NFKBIZ: variants seen among roughly 807,000 people sequenced by gnomAD.
NFKBIZ encodes the protein NFKB inhibitor zeta.
NFKBIZ carries 19 observed loss-of-function variants against 76.8 expected under a neutral mutation model. The ratio of observed to expected loss-of-function variants is 0.25; its 90% CI spans 0.17 to 0.36. The LOEUF (loss-of-function observed/expected upper bound fraction) is 0.36. NFKBIZ is among the 10% of genes least tolerant of loss of function. The pLI is 1.00. For synonymous variants in NFKBIZ, 368 were observed against 354.8 expected, an observed-to-expected ratio of 1.04 and a Z score of -0.42; for missense variants, 829 against 910.9, an observed-to-expected ratio of 0.91 and a Z score of 1.16.
intron 2 of NFKBIZ, among the ~76,000 whole-genome samples, chr3:101,831,566 C>T (rs1942647393): frequency 6.6e-6 from 1 of 151,782 alleles, no homozygotes; most frequent in Non-Finnish European, 1.5e-5. Flanking sequence ...CTTTTCTTTT[C>T]TCTTTTCTCC....
rs1943032958 is a variant in NFKBIZ at position 101,855,341 on chromosome 3, T to C, written c.1591-54T>C. ...CTTATTCATTTCTTGGGGATTCTAA[T>C]AGGTATATGCGCAGCTTATGTAGCT... On this transcript the variant is annotated intron_variant, in intron 7 of 11. Transcript: ENST00000326172. The C allele has an allele frequency of 1.3e-5, 21 of 1,607,254 alleles. No individual in the cohort carries two copies. In the Admixed American group the frequency reaches 1.8e-4, roughly 14 times the overall value.
intron 2 of NFKBIZ, among the ~76,000 whole-genome samples, chr3:101,843,031 A>C (rs966598508): frequency 6.1e-5 from 9 of 147,744 alleles, no homozygotes; most frequent in Non-Finnish European, 1.0e-4. Context: ...AAAAAAAAAA[A>C]AAAAAAAAAA....
intron 2 of NFKBIZ, among the ~76,000 whole-genome samples, chr3:101,843,276 C>T (rs937433964): frequency 6.6e-6 from 1 of 151,556 alleles, no homozygotes; most frequent in African/African-American, 2.4e-5. Flanking sequence ...CTCTACAAAA[C>T]ATGAAAAATA....
Position 101,860,963 on chromosome 3 carries a change from A to G in NFKBIZ, c.*1592A>G, listed in dbSNP as rs1943126285. 6.6e-6 allele frequency: 1 copy of G among 152,202 alleles called. No homozygotes were observed. 9.4% of individuals were successfully genotyped at this position (152,202 alleles called of 1,614,324 possible). Reference sequence around the variant, plus strand: ...CTTGTATCTCTAAATATGGTGTGATATGAACCAGTCCATTCACATTGGAAA... The same window carrying G: ...CTTGTATCTCTAAATATGGTGTGATGTGAACCAGTCCATTCACATTGGAAA... On this transcript the variant is annotated 3_prime_UTR_variant, in exon 12 of 12. Transcript: ENST00000326172.
chr3:101,834,696 T>C (rs534027632), intron 2 of NFKBIZ, among the ~76,000 whole-genome samples: 3 of 152,334 alleles, frequency 2.0e-5, no homozygotes, highest in African/African-American at 7.2e-5. Context: ...CTCTTGCCTA[T>C]AGATTAAATG....
At chr3:101,846,386 T>A (rs2107407028), upstream of NFKBIZ, among the ~76,000 whole-genome samples, 1 of 152,352 alleles carries the variant, frequency 6.6e-6, no homozygotes, top group Middle Eastern at 3.4e-3. Context: ...ACATTTAAAT[T>A]TTTTTGTAGC....
rs1424195389 is a variant in NFKBIZ, at chr3:101,856,292, T to C, written c.1824+390T>C. Among the ~76,000 whole-genome samples, 4 of 152,330 alleles carry C rather than the reference T, an allele frequency of 2.6e-5. No homozygotes were observed. In the East Asian group the frequency reaches 5.8e-4, roughly 22 times the overall value. ...GTCTCGATCTCCTGACCTCGTGATC[T>C]GCCCGCCTCGGCCTCCCGAAGTGCT... is the stretch of plus-strand genomic sequence containing the variant. On this transcript the variant is annotated intron_variant, in intron 9 of 11. Coordinates refer to ENST00000326172, the MANE Select transcript of NFKBIZ (RefSeq NM_031419.4).
chr3:101,857,713 G>A, intron 11 of NFKBIZ: 1 of 985,404 alleles, frequency 1.0e-6, no homozygotes, highest in Non-Finnish European at 1.2e-6. Context: ...CACACTTAGG[G>A]TTAGAGTAAG....
intron 1 of NFKBIZ, 143 bp from the exon 2 acceptor site, chr3:101,851,942 T>C (rs188624512): frequency 1.1e-6 from 1 of 909,348 alleles, no homozygotes; most frequent in East Asian, 2.6e-5. Context: ...AGGCCATTGA[T>C]TGACCAGAGC....
rs868271343 is a variant in NFKBIZ, at chr3:101,849,684, C to A, written c.56C>A (p.Ala19Glu). Residue 19 changes from alanine to glutamate, a missense_variant, in exon 1 of 12, where the codon GCG becomes GAG. Ala to Glu is a moderately radical substitution (Grantham distance 107). Around this residue, in one of 4 missense-constraint regions of NFKBIZ, gnomAD observed 181 missense variants for 175.3 expected, o/e 1.03. Transcript: ENST00000326172. ...CGCGGCGGAGAGGGGCTGCGGGACG[C>A]GGCGGGCGGCTGCGGCCTCATGACC... ...DSRGGEGLRD[A>E]AGGCGLMTSP... 7.2e-7 allele frequency: 1 copy of A among 1,390,708 alleles called. No homozygotes were observed. Among genetic ancestry groups the A allele is most frequent in the East Asian group, 3.0e-5 (1 of 33,880 alleles). 86.1% of individuals were successfully genotyped at this position (1,390,708 alleles called of 1,614,324 possible).
At chr3:101,850,236 A>G (rs2107412400) in intron 1 of NFKBIZ, 1 of 293,474 alleles carries the variant, frequency 3.4e-6, no homozygotes, top group Non-Finnish European at 6.3e-6. Flanking sequence ...AGTCATAATT[A>G]ATAAACTATG....
upstream of NFKBIZ, among the ~76,000 whole-genome samples, chr3:101,846,002 A>T (rs1047819555): frequency 7.9e-5 from 12 of 152,220 alleles, no homozygotes; most frequent in Non-Finnish European, 1.6e-4. Context: ...GAGCAGTGTA[A>T]CTGGACAAAT....
At chr3:101,848,520 T>G (rs1226411613), upstream of NFKBIZ, among the ~76,000 whole-genome samples, 1 of 152,258 alleles carries the variant, frequency 6.6e-6, no homozygotes, top group Non-Finnish European at 1.5e-5. Context: ...ATCCCTCGTG[T>G]TATTTAATCA....
chr3:101,857,259 C>G (rs776452588), intron 10 of NFKBIZ, 33 bp from the exon 11 acceptor site: 1 of 1,613,282 alleles, frequency 6.2e-7, no homozygotes, highest in Non-Finnish European at 8.5e-7. Flanking sequence ...TTCCCCCTTC[C>G]TGATGTCTGA....
At chr3:101,853,066 C>T in intron 4 of NFKBIZ, 25 bp from the exon 5 acceptor site, 2 of 1,611,604 alleles carry the variant, frequency 1.2e-6, no homozygotes, top group South Asian at 2.2e-5. Context: ...AGTGAGTGTG[C>T]AAGTTGCATT....
chr3:101,858,301 A>G (rs995682766), intron 11 of NFKBIZ: 6 of 959,278 alleles, frequency 6.3e-6, no homozygotes, highest in Non-Finnish European at 7.4e-6. Flanking sequence ...TTTAGAAAGA[A>G]TATTTCTATA....
chr3:101,859,308 T>G lies in NFKBIZ; in HGVS notation c.2104-10T>G. The G allele has an allele frequency of 6.2e-7, 1 of 1,612,876 alleles. No homozygotes were observed. The highest frequency in any genetic ancestry group is 8.5e-7 in the Non-Finnish European group (1 of 1,178,974). ...ATAAACCTCACAAATTTTATTTGTT[T>G]CTCTTCCAGATCCGACGTATCCTGA... On this transcript the variant is annotated splice_polypyrimidine_tract_variant and intron_variant, in intron 11 of 11. Coordinates refer to ENST00000326172, the MANE Select transcript of NFKBIZ (RefSeq NM_031419.4).
chr3:101,852,314 G>A (rs1387283983), intron 2 of NFKBIZ, 90 bp downstream of exon 2: 10 of 1,461,506 alleles, frequency 6.8e-6, no homozygotes, highest in Non-Finnish European at 7.4e-6. Context: ...CAGTCATCAA[G>A]TAAGTCACTT....
intron 1 of NFKBIZ, among the ~76,000 whole-genome samples, chr3:101,851,614 C>T (rs566575718): frequency 6.6e-6 from 1 of 152,288 alleles, no homozygotes; most frequent in South Asian, 2.1e-4. Context: ...AACATAAAAC[C>T]ATTGGTTTAA....
Sources: gnomAD v4.1 joint callset for allele counts (sites outside exome capture counted in the v4.1 genomes callset) on GRCh38, gnomAD v4.1.1 for gene constraint, gnomAD v4.1.1 regional missense constraint, MANE v1.5 for transcripts, NCBI Gene and HGNC (gene_info 2026-07-23, HGNC 2026-07-21) for gene names.